Variants in PATL2 observed in about 807,000 individuals in gnomAD.
PATL2 encodes protein PAT1 homolog 2.
Under a neutral mutation model 77.0 loss-of-function variants are expected in PATL2, and 73 were observed. The observed-to-expected ratio is 0.95, with a 90% CI of 0.78 to 1.15. The LOEUF (loss-of-function observed/expected upper bound fraction) is 1.15. Ranked by LOEUF, PATL2 falls within the 50% of genes most tolerant of loss-of-function variation. The pLI is 0.00. For synonymous variants in PATL2, 265 were observed against 257.1 expected (o/e 1.03, Z -0.29); for missense variants, 618 against 655.4 (o/e 0.94, Z 0.62).
chr15:44,684,436 A>C (rs1366293429), intron 3 of PATL2, among the ~76,000 whole-genome samples: 1 of 151,898 alleles, frequency 6.6e-6, no homozygotes, highest in Non-Finnish European at 1.5e-5. Flanking sequence ...CAGCACAAGA[A>C]CTTTGTGAAG....
rs543889135 is a variant in PATL2, at chr15:44,695,768, T to C, written c.-76+14328A>G. On this transcript the variant is annotated intron_variant, in intron 3 of 17. Transcript: ENST00000682850. ...CCTGTGGACATACCTGGTCCTTCTG[T>C]GTCTATGATGGATCTGTGGACACAT... 2.7e-3 allele frequency among the ~76,000 whole-genome samples: 408 copies of C among 152,332 alleles called. 9 individuals carry two copies. The highest frequency in any genetic ancestry group is 6.6e-4 in the Non-Finnish European group (45 of 68,024).
chr15:44,682,409 G>A (rs2086153806), intron 3 of PATL2, among the ~76,000 whole-genome samples: 1 of 152,104 alleles, frequency 6.6e-6, no homozygotes, highest in Non-Finnish European at 1.5e-5. Context: ...TTCTAAATTT[G>A]TCACTCCCAC....
At chr15:44,675,410 G>A (rs2141209210) in intron 5 of PATL2, 76 bp downstream of exon 5, 2 of 1,433,446 alleles carry the variant, frequency 1.4e-6, no homozygotes, top group East Asian at 5.0e-5. Context: ...GAAAAGAGAA[G>A]AGGAATGTTT....
At chr15:44,704,068 A>C (rs946113138) in intron 3 of PATL2, among the ~76,000 whole-genome samples, 3 of 151,774 alleles carry the variant, frequency 2.0e-5, no homozygotes, top group Non-Finnish European at 4.4e-5. Flanking sequence ...GGCTCACTGC[A>C]ACCTCTGCCT....
Position 44,669,761 on chromosome 15 carries a change from AAGATAGTGCTCCC to A in PATL2, c.876+3_876+15del. The A allele has an allele frequency of 6.4e-7, 1 of 1,551,204 alleles. No individual in the cohort carries two copies. Among genetic ancestry groups the A allele is most frequent in the Non-Finnish European group, 8.7e-7 (1 of 1,146,574 alleles). On this transcript the variant is annotated splice_donor_5th_base_variant and intron_variant, in intron 11 of 17. Coordinates refer to ENST00000682850, the MANE Select transcript of PATL2 (RefSeq NM_001387263.1). ...CAAAGGGGAGAGAAAAATGTCTGGG[AAGATAGTGCTCCC>A]ACCTGCTCTTGAGTTCCATGGGGTA...
intron 13 of PATL2, 64 bp downstream of exon 13, chr15:44,669,216 G>A: frequency 6.5e-7 from 1 of 1,528,614 alleles, no homozygotes. Context: ...AGAGGCAGAA[G>A]CAAGACCAGT....
intron 3 of PATL2, among the ~76,000 whole-genome samples, chr15:44,678,767 G>A (rs1199188808): frequency 1.3e-5 from 2 of 152,004 alleles, no homozygotes; most frequent in Non-Finnish European, 2.9e-5. Flanking sequence ...ACAACATAGT[G>A]AGACCCCATC....
chr15:44,697,098 TCTC>T (rs35372920), intron 3 of PATL2, among the ~76,000 whole-genome samples: 3,359 of 152,048 alleles, frequency 0.022, 90 homozygotes, highest in Non-Finnish European at 0.027. Flanking sequence ...GTTTTAACTA[TCTC>T]CTCCTCCTCC....
At chr15:44,695,174 C>G (rs544817255) in intron 3 of PATL2, among the ~76,000 whole-genome samples, 2 of 150,118 alleles carry the variant, frequency 1.3e-5, no homozygotes, top group South Asian at 2.1e-4. Flanking sequence ...GGCGACAGAG[C>G]GAGACTCCCT....
chr15:44,670,004 T>C lies in PATL2; in HGVS notation c.741A>G (p.Val247=). The change falls in exon 10 of 18, where the codon GTA becomes GTG. Residue 247 remains valine, a synonymous_variant. Transcript: ENST00000682850. ...CCTCTGCCTTCGGAATGTAAGGCGT[T>C]ACCAGCTTGAGGGACTCAACCCGGT... ...RRNRVESLKL[V]TPYIPKAEAY... The C allele has an allele frequency of 6.5e-7, 1 of 1,550,338 alleles. No homozygotes were observed. Among genetic ancestry groups the C allele is most frequent in the African/African-American group, 1.4e-5 (1 of 73,088 alleles).
At chr15:44,675,927 G>T in intron 4 of PATL2, 1 of 501,672 alleles carries the variant, frequency 2.0e-6, no homozygotes, top group Non-Finnish European at 3.5e-6. Context: ...CGTGCCTGTA[G>T]TCCCAGTTAC....
intron 3 of PATL2, among the ~76,000 whole-genome samples, chr15:44,681,315 G>A (rs912016538): frequency 1.3e-5 from 2 of 152,052 alleles, no homozygotes; most frequent in Non-Finnish European, 2.9e-5. Context: ...CACTTCTCTC[G>A]GCTGTGATTT....
intron 3 of PATL2, 97 bp from the exon 4 acceptor site, chr15:44,676,662 G>T: frequency 7.8e-7 from 1 of 1,289,836 alleles, no homozygotes; most frequent in Non-Finnish European, 1.1e-6. Flanking sequence ...AAGATGGTTA[G>T]AGAATTCTTG....
At position 44,668,443 on chromosome 15, in the gene PATL2, T is replaced by A. The variant is rs1283198613; in HGVS notation, c.1264A>T (p.Ser422Cys). ...MLFKPLGKCI[S>C]HLTLHELLQG... ...AGGAGTTCGTGGAGGGTCAAGTGAC[T>A]AATACATTTGCCCAGAGGTTTGAAT... The change falls in exon 15 of 18, where the codon AGT (serine) becomes TGT (cysteine). Residue 422 changes from serine (S) to cysteine (C), a missense_variant. Ser to Cys is a moderately radical substitution (Grantham distance 112, BLOSUM62 -1). Coordinates refer to ENST00000682850, the MANE Select transcript of PATL2 (RefSeq NM_001387263.1). 2 of 1,551,288 alleles carry A rather than the reference T, an allele frequency of 1.3e-6. No homozygotes were observed. Among genetic ancestry groups the A allele is most frequent in the African/African-American group, 1.4e-5 (1 of 73,034 alleles).
At chr15:44,677,254 G>C (rs1326455637) in intron 3 of PATL2, among the ~76,000 whole-genome samples, 1 of 152,060 alleles carries the variant, frequency 6.6e-6, no homozygotes, top group Non-Finnish European at 1.5e-5. Context: ...GTAGATCCTG[G>C]GGAGGATGCC....
intron 15 of PATL2, 150 bp from the exon 16 acceptor site, chr15:44,667,353 G>A: frequency 9.6e-6 from 6 of 627,878 alleles, no homozygotes; most frequent in Non-Finnish European, 5.6e-6. Flanking sequence ...TTTTACACTG[G>A]TGAGCCAAAG....
At chr15:44,687,932 C>T (rs1239154653) in intron 3 of PATL2, among the ~76,000 whole-genome samples, 6 of 152,140 alleles carry the variant, frequency 3.9e-5, no homozygotes, top group Admixed American at 3.9e-4. Flanking sequence ...TCATTCCATG[C>T]TCATGGATAG....
At chr15:44,704,345 C>T (rs551523109) in intron 3 of PATL2, among the ~76,000 whole-genome samples, 24 of 151,968 alleles carry the variant, frequency 1.6e-4, no homozygotes, top group African/African-American at 5.8e-4. Flanking sequence ...TTTCAGGTTA[C>T]CATAAGGCTT....
At chr15:44,707,567 G>C (rs1158016896) in intron 3 of PATL2, among the ~76,000 whole-genome samples, 1 of 152,096 alleles carries the variant, frequency 6.6e-6, no homozygotes, top group African/African-American at 2.4e-5. Context: ...ACTTTGCCTG[G>C]TGCCCTATCC....
Sources: allele counts gnomAD v4.1 joint callset (sites outside exome capture counted in the v4.1 genomes callset), GRCh38; gene constraint gnomAD v4.1.1; transcripts MANE v1.5; gene names NCBI Gene and HGNC (gene_info 2026-07-23, HGNC 2026-07-21).